Variants in MID1 observed in about 807,000 individuals in gnomAD.
MID1 encodes midline 1, also known as E3 ubiquitin-protein ligase Midline-1.
Under a neutral mutation model 40.4 loss-of-function variants are expected in MID1, and 7 were observed. The observed-to-expected ratio is 0.17, with a 90% CI of 0.10 to 0.33. The LOEUF (loss-of-function observed/expected upper bound fraction) is 0.33, where lower values mean the gene tolerates loss of function less well. Ranked by LOEUF, MID1 falls within the 10% of genes least tolerant of loss-of-function variation. The pLI is 1.00. For synonymous variants in MID1, 229 were observed against 221.2 expected (o/e 1.04, Z -0.31); for missense variants, 367 against 558.5 (o/e 0.66, Z 3.46).
At chrX:10,668,425 A>G (rs1461877239) in intron 1 of MID1, among the ~76,000 whole-genome samples, 1 of 112,232 alleles carries the variant, frequency 8.9e-6, no homozygotes, top group African/African-American at 3.2e-5. Flanking sequence ...TGTTCCAATT[A>G]TGTTCCAATT....
At chrX:10,679,682 G>A (rs952266862) in intron 1 of MID1, among the ~76,000 whole-genome samples, 1 of 110,525 alleles carries the variant, frequency 9.0e-6, no homozygotes, top group Admixed American at 9.6e-5. Flanking sequence ...TGTGTAATGA[G>A]TTTTAGCATA....
intron 1 of MID1, among the ~76,000 whole-genome samples, chrX:10,801,474 C>T (rs890543891): frequency 8.9e-6 from 1 of 111,804 alleles, no homozygotes; most frequent in Non-Finnish European, 1.9e-5. Context: ...GTTAAGTAGC[C>T]CTGAGTTTGG....
At chrX:10,686,438 A>G (rs1423623306) in intron 1 of MID1, among the ~76,000 whole-genome samples, 2 of 111,360 alleles carry the variant, frequency 1.8e-5, no homozygotes, top group African/African-American at 6.5e-5. Context: ...TCCCACATAC[A>G]TTGACTACCT....
intron 1 of MID1, among the ~76,000 whole-genome samples, chrX:10,757,131 T>C (rs2043637527): frequency 8.9e-6 from 1 of 111,773 alleles, no homozygotes; most frequent in South Asian, 3.8e-4. Flanking sequence ...TTTGACCCCG[T>C]CAGAATTCCT....
In MID1 at chrX:10,724,895, C is replaced by T. The variant is rs773569316; in HGVS notation, c.-186-104476G>A. On this transcript the variant is annotated intron_variant, in intron 1 of 10. Coordinates refer to the MID1 transcript ENST00000380785. The stretch of plus-strand genomic sequence containing the variant: ...TACTTTAGATTCTAAAGAATGAGGG[C>T]GAATTTTTAAAAATTGGGGACAGGT... Among the ~76,000 whole-genome samples, 23 of 111,614 alleles carry T rather than the reference C, an allele frequency of 2.1e-4. No individual in the cohort carries two copies. In the South Asian group the frequency reaches 3.4e-3, roughly 16 times the overall value.
Position 10,456,612 on chromosome X carries a change from C to T in MID1, c.1448-1535G>A, listed in dbSNP as rs374051401. ...TGCACTTTGAGAGGCCAAGGCAGCTCGATTGCCTGAGGTCAGGAGTTCAAG... is the reference window on the plus strand; with the variant it reads ...TGCACTTTGAGAGGCCAAGGCAGCTTGATTGCCTGAGGTCAGGAGTTCAAG... On this transcript the variant is annotated intron_variant, in intron 8 of 9. Coordinates refer to ENST00000317552, the MANE Select transcript of MID1 (RefSeq NM_000381.4). Among the ~76,000 whole-genome samples, 75 of 112,096 alleles carry T rather than the reference C, an allele frequency of 6.7e-4. 1 individual carries two copies. The South Asian group carries it at 0.019, about 28-fold the overall frequency.
intron 2 of MID1, among the ~76,000 whole-genome samples, chrX:10,529,149 C>T (rs990871420): frequency 3.6e-5 from 4 of 111,647 alleles, no homozygotes; most frequent in Admixed American, 9.5e-5. Context: ...TTTCAAGTTT[C>T]GAGTTTAGAC....
At chrX:10,807,310 T>G (rs995406515) in intron 1 of MID1, among the ~76,000 whole-genome samples, 1 of 112,237 alleles carries the variant, frequency 8.9e-6, no homozygotes, top group African/African-American at 3.2e-5. Context: ...ATTGGTTTTC[T>G]GTTGCTGCAC....
At chrX:10,801,846 AG>A (rs1187066291) in intron 1 of MID1, among the ~76,000 whole-genome samples, 2 of 112,269 alleles carry the variant, frequency 1.8e-5, no homozygotes, top group Non-Finnish European at 3.8e-5. Flanking sequence ...AAAATTGACA[AG>A]TGGGACTTAA....
At chrX:10,451,138 T>TG (rs1928310606) in intron 9 of MID1, among the ~76,000 whole-genome samples, 1 of 111,330 alleles carries the variant, frequency 9.0e-6, no homozygotes, top group South Asian at 3.8e-4. Context: ...CCAAGCCCAG[T>TG]GTGCAGGCCT....
At chrX:10,572,458 G>A (rs777481035) in intron 1 of MID1, among the ~76,000 whole-genome samples, 3 of 110,049 alleles carry the variant, frequency 2.7e-5, no homozygotes, top group African/African-American at 9.9e-5. Context: ...GGCTGAGGCA[G>A]GAGAATCACT....
chrX:10,817,510 TTTTCTC>T (rs1459927151), intron 1 of MID1, among the ~76,000 whole-genome samples: 1 of 101,789 alleles, frequency 9.8e-6, no homozygotes, highest in South Asian at 4.7e-4. Context: ...TCTTTTCTTT[TTTTCTC>T]TTTCTTTCTT....
At chrX:10,785,367 A>T (rs1281819747) in intron 1 of MID1, among the ~76,000 whole-genome samples, 1 of 111,256 alleles carries the variant, frequency 9.0e-6, no homozygotes, top group Non-Finnish European at 1.9e-5. Context: ...GGAAGAATCA[A>T]TATCATGAAA....
rs770533157 is a variant in MID1 at position 10,830,819 on chromosome X, C to T, written c.-187+2735G>A. ...ATAGAATAGCACACACACATACACA[C>T]ATTATAGAACACATCATTAAATTCT... is the stretch of plus-strand genomic sequence containing the variant. On this transcript the variant is annotated intron_variant, in intron 1 of 10. Coordinates refer to the MID1 transcript ENST00000380785. 1.0e-3 allele frequency among the ~76,000 whole-genome samples: 112 copies of T among 112,115 alleles called. 1 individual carries two copies. The highest frequency in any genetic ancestry group is 1.4e-3 in the Non-Finnish European group (75 of 53,262).
chrX:10,703,491 C>T (rs2043205607), intron 1 of MID1, among the ~76,000 whole-genome samples: 1 of 110,980 alleles, frequency 9.0e-6, no homozygotes, highest in South Asian at 3.9e-4. Flanking sequence ...CATAGTGAAA[C>T]CCCATCACTA....
chrX:10,777,466 G>A (rs1188366781), intron 1 of MID1, among the ~76,000 whole-genome samples: 1 of 109,787 alleles, frequency 9.1e-6, no homozygotes, highest in Non-Finnish European at 1.9e-5. Flanking sequence ...CAAAGTGCTG[G>A]GATTACAGGC....
chrX:10,645,946 G>A (rs1436189624), intron 1 of MID1, among the ~76,000 whole-genome samples: 1 of 111,718 alleles, frequency 9.0e-6, no homozygotes, highest in Non-Finnish European at 1.9e-5. Flanking sequence ...GAACAGGGGA[G>A]TTCTGAGACA....
intron 1 of MID1, among the ~76,000 whole-genome samples, chrX:10,824,197 C>A (rs2044198969): frequency 8.9e-6 from 1 of 111,967 alleles, no homozygotes; most frequent in Admixed American, 9.5e-5. Flanking sequence ...TTCAGTCTTT[C>A]TGAACAGGAA....
intron 1 of MID1, among the ~76,000 whole-genome samples, chrX:10,606,835 G>A (rs183147739): frequency 2.5e-4 from 28 of 111,261 alleles, no homozygotes; most frequent in African/African-American, 7.9e-4. Flanking sequence ...AGACTCAAGC[G>A]ATCCTCCCGA....
Sources: allele counts gnomAD v4.1 joint callset (sites outside exome capture counted in the v4.1 genomes callset), GRCh38; gene constraint gnomAD v4.1.1; transcripts MANE v1.5; gene names NCBI Gene and HGNC (gene_info 2026-07-23, HGNC 2026-07-21).